LAMB1: variants seen among roughly 807,000 people sequenced by gnomAD.
LAMB1 encodes laminin subunit beta-1.
LAMB1 carries 121 observed loss-of-function variants against 222.3 expected under a neutral mutation model. That is an observed-to-expected ratio of 0.54 (90% CI 0.47 to 0.63). The LOEUF (loss-of-function observed/expected upper bound fraction) is 0.63, where lower values mean the gene tolerates loss of function less well. LAMB1 is among the 30% of genes least tolerant of loss of function. The probability of loss-of-function intolerance (pLI) is 0.00; values close to 1 mark genes in which losing one functional copy is unlikely to be tolerated. For synonymous variants in LAMB1, 794 were observed against 807.2 expected (o/e 0.98, Z 0.28); for missense variants, 2,172 against 2,240.8 (o/e 0.97, Z 0.62).
chr7:107,950,256 A>G (rs1161940720), intron 24 of LAMB1, among the ~76,000 whole-genome samples: 1 of 152,188 alleles, frequency 6.6e-6, no homozygotes, highest in Non-Finnish European at 1.5e-5. Flanking sequence ...CAAGAGTCCA[A>G]CAGAGACCTA....
Position 107,952,097 on chromosome 7 carries a change from G to A in LAMB1, c.3206C>T (p.Ala1069Val), listed in dbSNP as rs373108911. The A allele has an allele frequency of 3.0e-5, 48 of 1,613,996 alleles. 1 individual carries two copies. The highest frequency in any genetic ancestry group is 4.5e-5 in the East Asian group (2 of 44,874). The change falls in exon 23 of 34, where the codon GCG becomes GTG. Residue 1069 changes from alanine (A) to valine (V), a missense_variant. Coordinates refer to ENST00000222399, the MANE Select transcript of LAMB1 (RefSeq NM_002291.3). Reference protein sequence around the residue: ...NVIGQNCDRCAPNTWQLASGT... With the variant: ...NVIGQNCDRCVPNTWQLASGT... The stretch of plus-strand genomic sequence containing the variant: ...ACTGGCCAGCTGCCAGGTATTGGGC[G>A]CACAGCGGTCACAGTTCTGCCCGAT...
intron 24 of LAMB1, among the ~76,000 whole-genome samples, chr7:107,949,792 G>A (rs1305874277): frequency 6.6e-6 from 1 of 152,148 alleles, no homozygotes; most frequent in Admixed American, 6.5e-5. Flanking sequence ...CTGCTGTTAA[G>A]GAACACATGG....
chr7:107,952,512 A>C lies in LAMB1; in HGVS notation c.3080-289T>G, dbSNP rs55890728. ...CAAGATGCTGGTGAGTCATTTTAAA[A>C]TTGAAGGCTTAACTGGAAATAATTT... On this transcript the variant is annotated intron_variant, in intron 22 of 33. Transcript: ENST00000222399. Among the ~76,000 whole-genome samples the C allele has an allele frequency of 0.068, 10,336 of 152,288 alleles. 1,166 individuals are homozygous for C. Among genetic ancestry groups the C allele is most frequent in the African/African-American group, 0.23 (9,733 of 41,512 alleles).
chr7:107,994,717 T>C (rs561475694), intron 5 of LAMB1, among the ~76,000 whole-genome samples, 170 bp downstream of exon 5: 5 of 152,364 alleles, frequency 3.3e-5, no homozygotes, highest in South Asian at 4.1e-4. Flanking sequence ...GAGTATTTGT[T>C]AAATGCAGTT....
In LAMB1 at chr7:107,986,294, A is replaced by G; in HGVS notation, c.493T>C (p.Tyr165His). Residue 165 changes from tyrosine to histidine, a missense_variant, in exon 6 of 34, where the codon TAC (tyrosine) becomes CAC (histidine). Physicochemically the swap from Tyr to His is moderately conservative, Grantham distance 83. Transcript: ENST00000222399. ...DFGKTWGVYRYFAYDCEASFP... is the reference protein window; with the variant it reads ...DFGKTWGVYRHFAYDCEASFP... ...GAGGCCTCACAGTCATAGGCGAAGT[A>G]TCTATACACACCCCAGGTTTTCCCA... is the stretch of plus-strand genomic sequence containing the variant. The G allele has an allele frequency of 6.2e-7, 1 of 1,614,122 alleles. No homozygotes were observed.
rs756018145 is a variant in LAMB1 at position 107,975,232 on chromosome 7, A to G, written c.1369+2T>C. ...CCCAAACTTTTTAGCAAACAGACCT[A>G]CATTTACAACCAAATGGATCTTCAC... On this transcript the variant is annotated splice_donor_variant, in intron 11 of 33. Transcript: ENST00000222399. LOFTEE classifies it high-confidence loss of function. The G allele has an allele frequency of 1.2e-6, 2 of 1,608,718 alleles. No individual in the cohort carries two copies. Among genetic ancestry groups the G allele is most frequent in the Non-Finnish European group, 1.7e-6 (2 of 1,176,066 alleles).
chr7:107,984,095 C>T (rs1441948713), intron 7 of LAMB1, among the ~76,000 whole-genome samples: 1 of 152,040 alleles, frequency 6.6e-6, no homozygotes, highest in African/African-American at 2.4e-5. Context: ...TTCTTTCTTC[C>T]CTTGTTCCTT....
chr7:107,957,731 G>A (rs1239158142), intron 20 of LAMB1, among the ~76,000 whole-genome samples: 1 of 152,004 alleles, frequency 6.6e-6, no homozygotes, highest in Non-Finnish European at 1.5e-5. Flanking sequence ...CTCCCCTTGG[G>A]GACAATCTAA....
rs758977856 is a variant in LAMB1, at chr7:107,975,008, C to T, written c.1460G>A (p.Gly487Glu). Residue 487 changes from glycine to glutamate, a missense_variant, in exon 12 of 34, where the codon GGA becomes GAA. Coordinates refer to ENST00000222399, the MANE Select transcript of LAMB1 (RefSeq NM_002291.3). ...GHCYCKRLVT[G>E]QHCDQCLPEH... ...TACCAGGCACTGGTCACAATGCTGTCCTGTCACCAGACGCTTGCAGTAGCA... is the reference window on the plus strand; with the variant it reads ...TACCAGGCACTGGTCACAATGCTGTTCTGTCACCAGACGCTTGCAGTAGCA... The T allele has an allele frequency of 7.5e-6, 12 of 1,605,286 alleles. No homozygotes were observed. Among genetic ancestry groups the T allele is most frequent in the Admixed American group, 3.3e-5 (2 of 60,008 alleles).
intron 29 of LAMB1, 115 bp downstream of exon 29, chr7:107,931,241 T>G (rs2116324903): frequency 2.1e-4 from 175 of 837,292 alleles, no homozygotes; most frequent in East Asian, 3.5e-4. Flanking sequence ...ATACGGACGT[T>G]TTTCTTATTT....
At chr7:107,932,743 C>T (rs1357613141) in intron 27 of LAMB1, 2 of 263,278 alleles carry the variant, frequency 7.6e-6, no homozygotes, top group Non-Finnish European at 1.5e-5. Flanking sequence ...AAAAAAAAAC[C>T]TATTGTGAAC....
intron 9 of LAMB1, among the ~76,000 whole-genome samples, 191 bp downstream of exon 9, chr7:107,977,855 CA>C (rs1241339148): frequency 6.6e-6 from 1 of 152,166 alleles, no homozygotes; most frequent in Non-Finnish European, 1.5e-5. Context: ...GTCAAACACA[CA>C]GAGGCTGTTC....
At chr7:107,928,151 C>G (rs2032612057) in intron 31 of LAMB1, among the ~76,000 whole-genome samples, 1 of 152,308 alleles carries the variant, frequency 6.6e-6, no homozygotes, top group African/African-American at 2.4e-5. Context: ...ATTTTTAGAG[C>G]AAGGTGCTAG....
chr7:107,963,980 C>A (rs754680523), intron 14 of LAMB1, among the ~76,000 whole-genome samples: 24 of 152,208 alleles, frequency 1.6e-4, no homozygotes, highest in African/African-American at 4.8e-4. Flanking sequence ...TGCCTATAAT[C>A]GAGCTACTCG....
intron 10 of LAMB1, 105 bp from the exon 11 acceptor site, chr7:107,975,518 CT>C (rs1327459052): frequency 7.7e-7 from 1 of 1,291,976 alleles, no homozygotes; most frequent in Non-Finnish European, 1.0e-6. Context: ...CAAAAGTCGA[CT>C]AAAAGCAGCA....
intron 31 of LAMB1, among the ~76,000 whole-genome samples, chr7:107,927,201 C>G (rs1207818168): frequency 6.6e-6 from 1 of 151,854 alleles, no homozygotes; most frequent in Non-Finnish European, 1.5e-5. Context: ...ACCTAAGGAC[C>G]CTTTAATTAG....
At chr7:107,944,206 ATTTATT>A (rs1271388126) in intron 24 of LAMB1, among the ~76,000 whole-genome samples, 1 of 152,174 alleles carries the variant, frequency 6.6e-6, no homozygotes, top group Non-Finnish European at 1.5e-5. Flanking sequence ...GCATACGTTG[ATTTATT>A]TTTAATTTCT....
rs1029640746 is a variant in LAMB1 at position 107,985,858 on chromosome 7, G to A, written c.676+164C>T. 4.6e-5 allele frequency among the ~76,000 whole-genome samples: 7 copies of A among 152,006 alleles called. No homozygotes were observed. The South Asian group carries it at 1.0e-3, about 23-fold the overall frequency. The stretch of plus-strand genomic sequence containing the variant: ...TGTAATTCCAGCTACTTAGGAGGCT[G>A]AGGCAGGAGAATCACTTGAACCCGG... On this transcript the variant is annotated intron_variant, in intron 7 of 33. Transcript: ENST00000222399.
At chr7:107,924,119 G>A (rs1022278490) in intron 33 of LAMB1, 32 bp from the exon 34 acceptor site, 3 of 1,521,876 alleles carry the variant, frequency 2.0e-6, no homozygotes, top group African/African-American at 1.4e-5. Context: ...TAAAGTCTGA[G>A]CAATTTATAC....
Sources: gnomAD v4.1 joint callset for allele counts (sites outside exome capture counted in the v4.1 genomes callset) on GRCh38, gnomAD v4.1.1 for gene constraint, MANE v1.5 for transcripts, NCBI Gene and HGNC (gene_info 2026-07-23, HGNC 2026-07-21) for gene names.